Variants in EIF2S3B observed in about 807,000 individuals in gnomAD.
EIF2S3B encodes the protein eukaryotic translation initiation factor 2 subunit 3B.
EIF2S3B carries 16 observed loss-of-function variants against 26.4 expected under a neutral mutation model. The ratio of observed to expected loss-of-function variants is 0.61; its 90% CI spans 0.41 to 0.92. EIF2S3B has a LOEUF of 0.92. Ranked by LOEUF, EIF2S3B falls within the 40% of genes least tolerant of loss-of-function variation. EIF2S3B has a pLI of 0.00. For missense variants in EIF2S3B, 510 were observed against 575.5 expected, an observed-to-expected ratio of 0.89 and a Z score of 1.16; for synonymous variants, 183 against 204.4, an observed-to-expected ratio of 0.90 and a Z score of 0.89.
At chr12:10,511,524 T>C (rs1009428498), downstream of EIF2S3B, among the ~76,000 whole-genome samples, 1 of 152,132 alleles carries the variant, frequency 6.6e-6, no homozygotes, top group East Asian at 1.9e-4. Flanking sequence ...GGGAAAAACA[T>C]AAAATATTTT....
At chr12:10,510,045 C>G (rs1037940129), downstream of EIF2S3B, among the ~76,000 whole-genome samples, 9 of 152,110 alleles carry the variant, frequency 5.9e-5, no homozygotes, top group Admixed American at 1.3e-4. Flanking sequence ...AGTAAGTCAT[C>G]TCTTTTCGAC....
In EIF2S3B at chr12:10,506,306, G is replaced by T. The variant is rs1331708954; in HGVS notation, c.404G>T (p.Cys135Phe). ...RLVRHVSFVD[C>F]PGHDILMATM... is the part of the protein sequence containing the mutation. ...GTCAGACATGTTTCCTTTGTTGACT[G>T]TCCTGGCCACGATATTTTGATGGCT... The change falls in exon 1 of 1, where the codon TGT (cysteine) becomes TTT (phenylalanine). Residue 135 changes from cysteine (C) to phenylalanine (F), a missense_variant. Cys to Phe is a radical substitution (Grantham distance 205). Coordinates refer to ENST00000538173, the MANE Select transcript of EIF2S3B (RefSeq NM_001357734.3). The T allele has an allele frequency of 1.2e-6, 2 of 1,614,090 alleles. No individual in the cohort carries two copies. Among genetic ancestry groups the T allele is most frequent in the Non-Finnish European group, 1.7e-6 (2 of 1,179,998 alleles).
chr12:10,506,586 G>T lies in EIF2S3B; in HGVS notation c.684G>T (p.Leu228=). ...CCATTATTCCAATTTCGGCTCAGCT[G>T]AAATACAATATTGAAGTTGTTTGTG... The part of the protein sequence containing the change: ...GAPIIPISAQ[L]KYNIEVVCEY... Residue 228 remains leucine (L), a synonymous_variant, in exon 1 of 1, where the codon CTG becomes CTT. Transcript: ENST00000538173. 3 of 1,603,768 alleles carry T rather than the reference G, an allele frequency of 1.9e-6. No individual in the cohort carries two copies. The highest frequency in any genetic ancestry group is 2.6e-6 in the Non-Finnish European group (3 of 1,170,606).
At position 10,505,987 on chromosome 12, in the gene EIF2S3B, A is replaced by C; in HGVS notation, c.85A>C (p.Thr29Pro). The change falls in exon 1 of 1, where the codon ACG (threonine) becomes CCG (proline). Residue 29 changes from threonine to proline, a missense_variant. Coordinates refer to ENST00000538173, the MANE Select transcript of EIF2S3B (RefSeq NM_001357734.3). Reference protein sequence around the residue: ...DLTTLDVTKLTPLSHEVISRQ... With the variant: ...DLTTLDVTKLPPLSHEVISRQ... ...CACCACCTTGGATGTTACCAAGTTG[A>C]CGCCACTTTCACACGAAGTTATCAG... 6.2e-7 allele frequency: 1 copy of C among 1,605,962 alleles called. No individual in the cohort carries two copies. The highest frequency in any genetic ancestry group is 8.5e-7 in the Non-Finnish European group (1 of 1,172,558).
chr12:10,514,248 A>ATTT (rs61248226), intron 1 of EIF2S3B, among the ~76,000 whole-genome samples: 151 of 151,038 alleles, frequency 1.0e-3, no homozygotes, highest in South Asian at 1.9e-3. Context: ...TCAAAATATC[A>ATTT]TTTTTTTTTG....
downstream of EIF2S3B, among the ~76,000 whole-genome samples, chr12:10,511,105 G>GA (rs894545758): frequency 6.6e-5 from 10 of 151,180 alleles, no homozygotes; most frequent in South Asian, 2.1e-4. Flanking sequence ...TAATTCTATG[G>GA]AAAAAAAATC....
chr12:10,519,746 A>G (rs1418985870), intron 1 of EIF2S3B, among the ~76,000 whole-genome samples: 2 of 151,934 alleles, frequency 1.3e-5, no homozygotes, highest in African/African-American at 4.8e-5. Flanking sequence ...GCAGCCAAAA[A>G]ACACATGAAA....
chr12:10,522,948 A>C (rs1864848658), exon 2 of EIF2S3B: 1 of 261,126 alleles, frequency 3.8e-6, no homozygotes, highest in Non-Finnish European at 7.3e-6. Flanking sequence ...CAAACAAATA[A>C]AATTATATTT....
chr12:10,506,868 T>A lies in EIF2S3B; in HGVS notation c.966T>A (p.Phe322Leu). The change falls in exon 1 of 1, where the codon TTT (phenylalanine) becomes TTA (leucine). Residue 322 changes from phenylalanine to leucine, a missense_variant. Physicochemically the swap from Phe to Leu is conservative, Grantham distance 22. Coordinates refer to ENST00000538173, the MANE Select transcript of EIF2S3B (RefSeq NM_001357734.3). ...TCTTTTCCAAAATTGTTTCACTTTT[T>A]GCGGAGCATAATGATCTGCAATATG... is the stretch of plus-strand genomic sequence containing the variant. ...KSIFSKIVSL[F>L]AEHNDLQYAA... 6.2e-7 allele frequency: 1 copy of A among 1,613,684 alleles called. No homozygotes were observed. Among genetic ancestry groups the A allele is most frequent in the Non-Finnish European group, 8.5e-7 (1 of 1,179,540 alleles).
chr12:10,512,788 TTTCTC>T (rs2137948101), downstream of EIF2S3B, among the ~76,000 whole-genome samples: 1 of 152,266 alleles, frequency 6.6e-6, no homozygotes, highest in African/African-American at 2.4e-5. Flanking sequence ...CCCTCCAATG[TTTCTC>T]TTCTCTTGTA....
intron 1 of EIF2S3B, among the ~76,000 whole-genome samples, chr12:10,520,947 T>C (rs1864824958): frequency 6.6e-6 from 1 of 152,210 alleles, no homozygotes; most frequent in African/African-American, 2.4e-5. Context: ...ACAGAGATCC[T>C]ACATAGCTAA....
chr12:10,508,525 C>CAAAAAAAAAA, downstream of EIF2S3B, among the ~76,000 whole-genome samples: 17 of 62,968 alleles, frequency 2.7e-4, no homozygotes, highest in Non-Finnish European at 3.5e-4. Context: ...TGTTAGAAAG[C>CAAAAAAAAAA]AAAAAAAAAA....
chr12:10,519,154 A>C (rs1464051150), intron 1 of EIF2S3B, among the ~76,000 whole-genome samples: 1 of 152,152 alleles, frequency 6.6e-6, no homozygotes, highest in Non-Finnish European at 1.5e-5. Context: ...CTGGTACCAA[A>C]ACAGCGATAT....
At chr12:10,518,596 T>C (rs1864792906) in intron 1 of EIF2S3B, among the ~76,000 whole-genome samples, 2 of 152,104 alleles carry the variant, frequency 1.3e-5, no homozygotes, top group African/African-American at 4.8e-5. Context: ...TTTAGCCCAT[T>C]TACATTTAAA....
At chr12:10,514,294 A>C (rs1466179356) in intron 1 of EIF2S3B, among the ~76,000 whole-genome samples, 1 of 151,774 alleles carries the variant, frequency 6.6e-6, no homozygotes, top group Admixed American at 6.6e-5. Flanking sequence ...ATGTTGACTT[A>C]TCCTAAAGAT....
In EIF2S3B at chr12:10,506,434, G is replaced by C. The variant is rs1371580128; in HGVS notation, c.532G>C (p.Glu178Gln). Residue 178 changes from glutamate (E) to glutamine (Q), a missense_variant, in exon 1 of 1, where the codon GAG becomes CAG. Coordinates refer to ENST00000538173, the MANE Select transcript of EIF2S3B (RefSeq NM_001357734.3). ...PQTSEHLAAI[E>Q]IMKLKHILIL... ...GACATCTGAACACCTGGCTGCTATA[G>C]AGATCATGAAACTGAAGCATATTTT... The C allele has an allele frequency of 8.1e-6, 13 of 1,613,484 alleles. No homozygotes were observed. The highest frequency in any genetic ancestry group is 9.3e-6 in the Non-Finnish European group (11 of 1,179,544).
intron 1 of EIF2S3B, among the ~76,000 whole-genome samples, chr12:10,516,282 A>G (rs1864757014): frequency 6.6e-6 from 1 of 152,048 alleles, no homozygotes; most frequent in African/African-American, 2.4e-5. Flanking sequence ...TCTTATTGCT[A>G]TCATATGAAA....
chr12:10,518,162 T>G (rs181864245), intron 1 of EIF2S3B, among the ~76,000 whole-genome samples: 5,891 of 152,216 alleles, frequency 0.039, 389 homozygotes, highest in African/African-American at 0.13. Context: ...TTCCTGGGTA[T>G]ACTTGTTAAC....
intron 1 of EIF2S3B, chr12:10,522,477 C>G: frequency 2.0e-6 from 1 of 510,552 alleles, no homozygotes; most frequent in Non-Finnish European, 3.5e-6. Context: ...AAGCATCATT[C>G]AATTAATGGA....
Sources: gnomAD v4.1 joint callset for allele counts (sites outside exome capture counted in the v4.1 genomes callset) on GRCh38, gnomAD v4.1.1 for gene constraint, MANE v1.5 for transcripts, NCBI Gene and HGNC (gene_info 2026-07-23, HGNC 2026-07-21) for gene names.